Variants in CKAP2 observed in about 807,000 individuals in gnomAD.
CKAP2 encodes cytoskeleton-associated protein 2.
A neutral mutation model predicts 58.4 loss-of-function variants in CKAP2; 46 were observed. The ratio of observed to expected loss-of-function variants is 0.79; its 90% CI spans 0.62 to 1.01. The LOEUF (loss-of-function observed/expected upper bound fraction) is 1.01. Ranked by LOEUF, CKAP2 falls within the 50% of genes least tolerant of loss-of-function variation. The pLI, the probability that CKAP2 is intolerant of heterozygous loss-of-function variation, is 0.00. For synonymous variants in CKAP2, 293 were observed against 280.9 expected (o/e 1.04, Z -0.43); for missense variants, 809 against 796.4 (o/e 1.02, Z -0.19).
intron 2 of CKAP2, among the ~76,000 whole-genome samples, chr13:52,459,792 C>T (rs371825240): frequency 6.6e-6 from 1 of 152,244 alleles, no homozygotes; most frequent in African/African-American, 2.4e-5. Flanking sequence ...CTGCCTTAGC[C>T]AGTTTATAGC....
chr13:52,469,843 G>C (rs777013735), intron 7 of CKAP2, among the ~76,000 whole-genome samples: 1 of 149,362 alleles, frequency 6.7e-6, no homozygotes, highest in Non-Finnish European at 1.5e-5. Context: ...TGATCCACCC[G>C]CCTCGGCCTT....
Position 52,474,030 on chromosome 13 carries a change from C to T in CKAP2, c.1748C>T (p.Thr583Met), listed in dbSNP as rs745449940. 20 of 1,613,712 alleles carry T rather than the reference C, an allele frequency of 1.2e-5. No homozygotes were observed. Among genetic ancestry groups the T allele is most frequent in the Middle Eastern group, 1.6e-4 (1 of 6,084 alleles). Residue 583 changes from threonine (T) to methionine (M), a missense_variant, in exon 8 of 9, where the codon ACG becomes ATG. By Grantham distance (81) the Thr-to-Met change is moderately conservative. Around this residue, in one of 3 missense-constraint regions of CKAP2, gnomAD observed 283 missense variants for 287.6 expected, o/e 0.98. Coordinates refer to ENST00000258607, the MANE Select transcript of CKAP2 (RefSeq NM_018204.5). The stretch of plus-strand genomic sequence containing the variant: ...GATGTTAAAACCCCCAATACAGAAA[C>T]GAGGACAAGTTGCTTAATTAAATAT... ...THDVKTPNTETRTSCLIKYNV... is the reference protein window; with the variant it reads ...THDVKTPNTEMRTSCLIKYNV...
intron 7 of CKAP2, among the ~76,000 whole-genome samples, chr13:52,469,152 A>G (rs562435209): frequency 6.6e-6 from 1 of 152,202 alleles, no homozygotes; most frequent in Non-Finnish European, 1.5e-5. Flanking sequence ...TATCTTTTTA[A>G]ATTTTTAAAA....
chr13:52,461,151 A>C lies in CKAP2; in HGVS notation c.325A>C (p.Thr109Pro). ...CIPLKPSNEL[T>P]NSTVVIDTHK... The stretch of plus-strand genomic sequence containing the variant: ...TCCTTTAAAACCTTCAAATGAACTA[A>C]CCAATTCAACTGTAGTAATTGACAC... The change falls in exon 4 of 9, where the codon ACC (threonine) becomes CCC (proline). Residue 109 changes from threonine (T) to proline (P), a missense_variant. By Grantham distance (38) the Thr-to-Pro change is conservative (BLOSUM62 -1). Transcript: ENST00000258607. 1 of 1,613,496 alleles carries C rather than the reference A, an allele frequency of 6.2e-7. No individual in the cohort carries two copies.
rs1407960505 is a variant in CKAP2 at position 52,474,090 on chromosome 13, C to T, written c.1802+6C>T. 1.2e-6 allele frequency: 2 copies of T among 1,601,248 alleles called. No individual in the cohort carries two copies. The highest frequency in any genetic ancestry group is 3.5e-5 in the Admixed American group (2 of 57,850). On this transcript the variant is annotated splice_donor_region_variant and intron_variant, in intron 8 of 8. Coordinates refer to ENST00000258607, the MANE Select transcript of CKAP2 (RefSeq NM_018204.5). The stretch of plus-strand genomic sequence containing the variant: ...ACTACGCCATACTTGCAAAGGTAAA[C>T]TTTTAAAATGTACCATGATTTGTTT...
In CKAP2 at chr13:52,465,339, T is replaced by C; in HGVS notation, c.1350T>C (p.Ile450=). Residue 450 remains isoleucine (I), a synonymous_variant, in exon 6 of 9, where the codon ATT becomes ATC. Transcript: ENST00000258607. ...TACTGGTCACACTGAATGACCTGATTAAAAATATTCCAGATGCCAAAAAGC... is the reference window on the plus strand; with the variant it reads ...TACTGGTCACACTGAATGACCTGATCAAAAATATTCCAGATGCCAAAAAGC... The part of the protein sequence containing the change: ...EDILVTLNDL[I]KNIPDAKKLV... 6.2e-7 allele frequency: 1 copy of C among 1,613,554 alleles called. No homozygotes were observed. Among genetic ancestry groups the C allele is most frequent in the East Asian group, 2.2e-5 (1 of 44,754 alleles).
Position 52,461,882 on chromosome 13 carries a change from T to C in CKAP2, c.1056T>C (p.Val352=). The C allele has an allele frequency of 6.2e-7, 1 of 1,613,762 alleles. No individual in the cohort carries two copies. Among genetic ancestry groups the C allele is most frequent in the Admixed American group, 1.7e-5 (1 of 59,952 alleles). The change falls in exon 4 of 9, where the codon GTT becomes GTC. Residue 352 remains valine, a synonymous_variant. Transcript: ENST00000258607. ...QRRHTAGKAI[V]DSRSAQPKET... ...GACATACTGCAGGAAAAGCAATTGT[T>C]GATAGTAGATCAGCTCAGCCCAAAG...
chr13:52,473,574 G>A (rs7333451), intron 7 of CKAP2: 205,406 of 352,172 alleles, frequency 0.58, 61,603 homozygotes, highest in Middle Eastern at 0.68. Flanking sequence ...CTATACCACA[G>A]GCAAAGTTAG....
chr13:52,462,376 G>A lies in CKAP2; in HGVS notation c.1114G>A (p.Glu372Lys). The A allele has an allele frequency of 1.2e-6, 2 of 1,614,054 alleles. No individual in the cohort carries two copies. The highest frequency in any genetic ancestry group is 1.7e-6 in the Non-Finnish European group (2 of 1,180,008). ...TTCTAACTATAGAGCTCGTCTGAGT[G>A]AGTGGAAAGCTGGCAAAGGAAGAGT... ...TSEERKARLS[E>K]WKAGKGRVLK... is the part of the protein sequence containing the mutation. Residue 372 changes from glutamate to lysine, a missense_variant, in exon 5 of 9, where the codon GAG becomes AAG. Around this residue, in one of 3 missense-constraint regions of CKAP2, gnomAD observed 523 missense variants for 492.4 expected, o/e 1.06. Coordinates refer to ENST00000258607, the MANE Select transcript of CKAP2 (RefSeq NM_018204.5).
chr13:52,455,822 G>C (rs1257999356), intron 1 of CKAP2, 196 bp downstream of exon 1: 1 of 796,732 alleles, frequency 1.3e-6, no homozygotes, highest in Non-Finnish European at 1.7e-6. Context: ...ACCGCTGCGT[G>C]GTGTTACTGT....
intron 7 of CKAP2, 163 bp from the exon 8 acceptor site, chr13:52,473,666 A>G: frequency 1.7e-6 from 1 of 573,882 alleles, no homozygotes; most frequent in East Asian, 2.8e-5. Context: ...AGTATTTGTT[A>G]TATAGTTGGC....
chr13:52,456,470 G>GT, intron 1 of CKAP2, 53 bp from the exon 2 acceptor site: 1 of 1,325,362 alleles, frequency 7.5e-7, no homozygotes. Flanking sequence ...TTTATTTGCC[G>GT]TTATCGATGT....
chr13:52,462,643 T>G, intron 5 of CKAP2, 76 bp downstream of exon 5: 5 of 1,194,910 alleles, frequency 4.2e-6, no homozygotes, highest in Non-Finnish European at 5.9e-6. Flanking sequence ...TAAATTATAT[T>G]GTCAGTCTTT....
At chr13:52,462,046 G>A (rs1437070880) in intron 4 of CKAP2, 120 bp downstream of exon 4, 1 of 942,450 alleles carries the variant, frequency 1.1e-6, no homozygotes, top group African/African-American at 1.7e-5. Flanking sequence ...TCTGTCATAT[G>A]CAGGCAAATT....
intron 6 of CKAP2, among the ~76,000 whole-genome samples, chr13:52,466,954 GTT>G (rs879875807): frequency 1.3e-5 from 2 of 148,846 alleles, no homozygotes; most frequent in African/African-American, 4.9e-5. Context: ...AATTTTTAAA[GTT>G]TTTTTTTTGG....
At chr13:52,467,156 A>G (rs989334355) in intron 6 of CKAP2, among the ~76,000 whole-genome samples, 1 of 151,976 alleles carries the variant, frequency 6.6e-6, no homozygotes, top group Non-Finnish European at 1.5e-5. Context: ...TAGCTGAGTA[A>G]TTCAGGACTC....
intron 6 of CKAP2, 168 bp downstream of exon 6, chr13:52,465,633 TAAGTC>T (rs1958656548): frequency 1.5e-6 from 1 of 666,692 alleles, no homozygotes; most frequent in South Asian, 1.7e-5. Flanking sequence ...GTTGGCTTTC[TAAGTC>T]TTTTATTCCT....
intron 2 of CKAP2, 80 bp downstream of exon 2, chr13:52,456,687 T>C: frequency 8.9e-7 from 1 of 1,125,690 alleles, no homozygotes; most frequent in South Asian, 1.4e-5. Context: ...AAGCCATATC[T>C]GTAATTTTAA....
rs373545539 is a variant in CKAP2, at chr13:52,461,064, A to G, written c.238A>G (p.Lys80Glu). ...VLKLKTKMAD[K>E]ENMKRPAESK... ...TCTTAAATAATTCTTTCAGGCTGAT[A>G]AAGAAAACATGAAGAGACCTGCAGA... Residue 80 changes from lysine (K) to glutamate (E), a missense_variant, in exon 4 of 9, where the codon AAA (lysine) becomes GAA (glutamate). Transcript: ENST00000258607. 14 of 1,598,594 alleles carry G rather than the reference A, an allele frequency of 8.8e-6. No individual in the cohort carries two copies. The highest frequency in any genetic ancestry group is 8.5e-6 in the Non-Finnish European group (10 of 1,175,126).
Sources: allele counts gnomAD v4.1 joint callset (sites outside exome capture counted in the v4.1 genomes callset), GRCh38; gene constraint gnomAD v4.1.1; regional missense constraint gnomAD v4.1.1; transcripts MANE v1.5; gene names NCBI Gene and HGNC (gene_info 2026-07-23, HGNC 2026-07-21).